The following PBX3 variants were observed in gnomAD, a reference collection of about 807,000 sequenced individuals.
PBX3 encodes the protein PBX homeobox 3, also known as pre-B-cell leukemia transcription factor 3.
PBX3 carries 14 observed loss-of-function variants against 48.5 expected under a neutral mutation model. The observed-to-expected ratio is 0.29, with a 90% CI of 0.19 to 0.45. The LOEUF is 0.45. Ranked by LOEUF, PBX3 falls within the 20% of genes least tolerant of loss-of-function variation. The pLI, the probability that PBX3 is intolerant of heterozygous loss-of-function variation, is 1.00. For synonymous variants in PBX3, 210 were observed against 200.3 expected (o/e 1.05, Z -0.41); for missense variants, 386 against 546.7 (o/e 0.71, Z 2.93).
chr9:125,774,918 C>A (rs1837031675), intron 2 of PBX3, among the ~76,000 whole-genome samples: 1 of 151,752 alleles, frequency 6.6e-6, no homozygotes, highest in African/African-American at 2.4e-5. Flanking sequence ...GTCACCCAGA[C>A]TGGAGTATAG....
chr9:125,944,274 C>G (rs892371397), intron 5 of PBX3, among the ~76,000 whole-genome samples: 1 of 152,166 alleles, frequency 6.6e-6, no homozygotes, highest in African/African-American at 2.4e-5. Flanking sequence ...ACACATTTTT[C>G]TAAAATAAGT....
intron 2 of PBX3, among the ~76,000 whole-genome samples, chr9:125,808,386 C>G (rs541600665): frequency 6.2e-4 from 95 of 152,096 alleles, no homozygotes; most frequent in Non-Finnish European, 1.6e-4. Flanking sequence ...TTCATAAAGT[C>G]TCTGTAAGGC....
intron 2 of PBX3, among the ~76,000 whole-genome samples, chr9:125,867,031 G>C (rs942753955): frequency 2.0e-5 from 3 of 152,042 alleles, no homozygotes; most frequent in Non-Finnish European, 4.4e-5. Context: ...CAAATCTAGG[G>C]TCTTGTGACA....
At chr9:125,810,049 GA>G (rs1410336322) in intron 2 of PBX3, among the ~76,000 whole-genome samples, 2 of 152,140 alleles carry the variant, frequency 1.3e-5, no homozygotes, top group Non-Finnish European at 2.9e-5. Context: ...TTGTCCTTAA[GA>G]AACACTAGAT....
At chr9:125,779,255 T>TC (rs986022370) in intron 2 of PBX3, among the ~76,000 whole-genome samples, 1 of 150,874 alleles carries the variant, frequency 6.6e-6, no homozygotes, top group Non-Finnish European at 1.5e-5. Flanking sequence ...CTTTTTTTTT[T>TC]TTTTTTAATT....
chr9:125,808,945 T>G (rs1838206717), intron 2 of PBX3, among the ~76,000 whole-genome samples: 1 of 152,216 alleles, frequency 6.6e-6, no homozygotes. Context: ...CATCACAGCC[T>G]TCTTGTCCTT....
At chr9:125,906,566 G>C (rs573637051) in intron 2 of PBX3, among the ~76,000 whole-genome samples, 1 of 151,912 alleles carries the variant, frequency 6.6e-6, no homozygotes. Flanking sequence ...ATAGGGGCAG[G>C]GTTCTTGCTC....
chr9:125,799,415 A>T (rs1250889860), intron 2 of PBX3, among the ~76,000 whole-genome samples: 1 of 151,878 alleles, frequency 6.6e-6, no homozygotes, highest in Non-Finnish European at 1.5e-5. Flanking sequence ...CTGAGGTGGG[A>T]CGATTTCTTG....
chr9:125,840,401 G>T (rs113575137), intron 2 of PBX3, among the ~76,000 whole-genome samples: 1 of 151,674 alleles, frequency 6.6e-6, no homozygotes, highest in African/African-American at 2.4e-5. Context: ...CTTATGGGCA[G>T]TGTGTCACAA....
chr9:125,761,399 A>T (rs1438920157), intron 2 of PBX3, among the ~76,000 whole-genome samples: 2 of 152,086 alleles, frequency 1.3e-5, no homozygotes, highest in Non-Finnish European at 2.9e-5. Context: ...ACTGATTTTT[A>T]TCCATCACTA....
At chr9:125,760,821 CAT>C (rs1367017989) in intron 2 of PBX3, among the ~76,000 whole-genome samples, 41 of 152,148 alleles carry the variant, frequency 2.7e-4, no homozygotes, top group Non-Finnish European at 8.8e-5. Flanking sequence ...TTTGAATTCA[CAT>C]ATATTTTCTT....
intron 2 of PBX3, among the ~76,000 whole-genome samples, chr9:125,829,687 A>G (rs1838904407): frequency 6.6e-6 from 1 of 152,182 alleles, no homozygotes; most frequent in African/African-American, 2.4e-5. Flanking sequence ...AAAAAAAATG[A>G]GCAACAAAGC....
intron 2 of PBX3, among the ~76,000 whole-genome samples, chr9:125,833,437 T>C (rs1839024450): frequency 6.6e-6 from 1 of 151,942 alleles, no homozygotes; most frequent in Non-Finnish European, 1.5e-5. Context: ...TGAGCCTTGA[T>C]TGCACCATGC....
chr9:125,771,291 A>G (rs1429408949), intron 2 of PBX3, among the ~76,000 whole-genome samples: 4 of 152,224 alleles, frequency 2.6e-5, no homozygotes, highest in African/African-American at 4.8e-5. Context: ...CAACTGTCAA[A>G]CAATGCTGTA....
chr9:125,872,995 C>T (rs1840164014), intron 2 of PBX3, among the ~76,000 whole-genome samples: 1 of 151,596 alleles, frequency 6.6e-6, no homozygotes, highest in Admixed American at 6.6e-5. Context: ...GTCAGGAGTT[C>T]AAGACCAGCC....
At chr9:125,803,093 T>G in intron 2 of PBX3, among the ~76,000 whole-genome samples, 1 of 141,462 alleles carries the variant, frequency 7.1e-6, no homozygotes, top group East Asian at 2.0e-4. Context: ...ACTAATGTCT[T>G]TTTTTTTTTT....
At chr9:125,761,955 T>C (rs138731553) in intron 2 of PBX3, among the ~76,000 whole-genome samples, 2 of 152,328 alleles carry the variant, frequency 1.3e-5, no homozygotes, top group African/African-American at 4.8e-5. Flanking sequence ...GGGAAATGGA[T>C]ACTTGAAGTT....
intron 2 of PBX3, among the ~76,000 whole-genome samples, chr9:125,801,288 G>A (rs562084995): frequency 1.4e-4 from 22 of 152,220 alleles, no homozygotes; most frequent in South Asian, 8.3e-4. Context: ...TCAGGCTGCC[G>A]AATTAGGCTG....
intron 2 of PBX3, among the ~76,000 whole-genome samples, chr9:125,750,839 G>A (rs1054030973): frequency 9.9e-5 from 15 of 152,224 alleles, no homozygotes; most frequent in Admixed American, 8.5e-4. Flanking sequence ...TGATTGATGG[G>A]GGTGAAGCTC....
Sources: gnomAD v4.1 joint callset for allele counts (sites outside exome capture counted in the v4.1 genomes callset) on GRCh38, gnomAD v4.1.1 for gene constraint, MANE v1.5 for transcripts, NCBI Gene and HGNC (gene_info 2026-07-23, HGNC 2026-07-21) for gene names.